IRAG1: variants seen among roughly 807,000 people sequenced by gnomAD.
IRAG1 encodes the protein IP3R-associated cGMP kinase substrate.
A neutral mutation model predicts 106.2 loss-of-function variants in IRAG1; 62 were observed. The observed-to-expected ratio is 0.58, with a 90% CI of 0.48 to 0.72. The LOEUF (loss-of-function observed/expected upper bound fraction) is 0.72, where lower values mean the gene tolerates loss of function less well. IRAG1 is among the 30% of genes least tolerant of loss of function. The pLI, the probability that IRAG1 is intolerant of heterozygous loss-of-function variation, is 0.00. For synonymous variants in IRAG1, 462 were observed against 443.9 expected, an observed-to-expected ratio of 1.04 and a Z score of -0.51; for missense variants, 1,064 against 1,140.7, an observed-to-expected ratio of 0.93 and a Z score of 0.97.
intron 12 of IRAG1, among the ~76,000 whole-genome samples, chr11:10,604,764 G>A (rs890960287): frequency 2.0e-5 from 3 of 152,200 alleles, no homozygotes; most frequent in African/African-American, 4.8e-5. Flanking sequence ...CCCAGAACCG[G>A]AGGTCCAAAT....
intron 7 of IRAG1, 23 bp downstream of exon 7, chr11:10,627,950 C>G: frequency 6.3e-7 from 1 of 1,595,632 alleles, no homozygotes; most frequent in South Asian, 1.1e-5. Context: ...AGAAACAGCA[C>G]AGCAGGTGGG....
chr11:10,687,714 A>G, intron 1 of IRAG1: 5 of 1,288,812 alleles, frequency 3.9e-6, no homozygotes, highest in South Asian at 1.2e-5. Context: ...AGTTGAGAAT[A>G]GGACCCAGGA....
chr11:10,582,068 C>G, intron 18 of IRAG1, 82 bp from the exon 19 acceptor site: 1 of 1,507,810 alleles, frequency 6.6e-7, no homozygotes, highest in Admixed American at 2.1e-5. Context: ...TGGCCCGATT[C>G]CTGATTAGGA....
intron 1 of IRAG1, among the ~76,000 whole-genome samples, chr11:10,688,957 C>A (rs934733018): frequency 6.6e-6 from 1 of 152,152 alleles, no homozygotes. Flanking sequence ...ATGACAGTAA[C>A]TACTTCAGAG....
At chr11:10,608,466 T>C (rs760707840) in intron 11 of IRAG1, among the ~76,000 whole-genome samples, 5 of 151,792 alleles carry the variant, frequency 3.3e-5, no homozygotes, top group Non-Finnish European at 7.4e-5. Context: ...AGTGGGGGTC[T>C]GGGGGGAAAC....
chr11:10,670,449 T>C (rs1398011075), intron 1 of IRAG1, among the ~76,000 whole-genome samples: 3 of 152,218 alleles, frequency 2.0e-5, no homozygotes, highest in African/African-American at 7.2e-5. Flanking sequence ...AAATAGGCAG[T>C]GCTTTCTAAT....
rs1895712 is a variant in IRAG1 at position 10,659,950 on chromosome 11, G to A, written c.68-7768C>T. Among the ~76,000 whole-genome samples, 33,336 of 152,064 alleles carry A rather than the reference G, an allele frequency of 0.22. 4,999 individuals carry two copies. Among genetic ancestry groups the A allele is most frequent in the East Asian group, 0.81 (4,181 of 5,142 alleles). Reference sequence around the variant, plus strand: ...TCATCCTGGGGTCAAGGACCACACGGCATTCTGGGTCTGTGAGATCCCATA... The same window carrying A: ...TCATCCTGGGGTCAAGGACCACACGACATTCTGGGTCTGTGAGATCCCATA... On this transcript the variant is annotated intron_variant, in intron 1 of 20. Coordinates refer to ENST00000423302, the MANE Select transcript of IRAG1 (RefSeq NM_130385.4). This position sits in a 1 kb window ranked among gnomAD's most constrained non-coding sequence, Gnocchi z 4.1.
intron 1 of IRAG1, among the ~76,000 whole-genome samples, chr11:10,673,915 G>C (rs1860447628): frequency 6.6e-6 from 1 of 152,108 alleles, no homozygotes; most frequent in Non-Finnish European, 1.5e-5. Flanking sequence ...AGAAATGAAG[G>C]AGGAGGCAAC....
chr11:10,626,460 T>C lies in IRAG1; in HGVS notation c.874A>G (p.Asn292Asp), dbSNP rs1202142922. The part of the protein sequence containing the change: ...SKEIAIEQKE[N>D]FDPLQYPETT... ...TCGGGGTACTGGAGGGGATCGAAGT[T>C]TTCCTTTTGTTCTATTGCAATCTCT... Residue 292 changes from asparagine (N) to aspartate (D), a missense_variant, in exon 9 of 21, where the codon AAC (asparagine) becomes GAC (aspartate). Physicochemically the swap from Asn to Asp is conservative, Grantham distance 23. Transcript: ENST00000423302. The C allele has an allele frequency of 6.2e-7, 1 of 1,613,492 alleles. No homozygotes were observed. The highest frequency in any genetic ancestry group is 2.2e-5 in the East Asian group (1 of 44,850).
At chr11:10,579,183 T>C (rs1335829897) in intron 20 of IRAG1, among the ~76,000 whole-genome samples, 1 of 152,222 alleles carries the variant, frequency 6.6e-6, no homozygotes, top group African/African-American at 2.4e-5. Flanking sequence ...GCTCTTCCCC[T>C]GAACAATGGG....
At chr11:10,587,027 G>A (rs1852085010) in intron 18 of IRAG1, among the ~76,000 whole-genome samples, 1 of 152,154 alleles carries the variant, frequency 6.6e-6, no homozygotes. Flanking sequence ...CTATAAACTG[G>A]AGCTGAGCAC....
intron 12 of IRAG1, 49 bp downstream of exon 12, chr11:10,606,692 GC>G: frequency 6.5e-7 from 1 of 1,549,106 alleles, no homozygotes. Flanking sequence ...TTTTGAATAA[GC>G]CCAGTCAAGC....
At chr11:10,687,522 C>A in intron 1 of IRAG1, 1 of 490,350 alleles carries the variant, frequency 2.0e-6, no homozygotes, top group Non-Finnish European at 3.0e-6. Context: ...TTGATCCAAA[C>A]ACTTTCCAAC....
chr11:10,619,954 A>G (rs1470219292), intron 10 of IRAG1, among the ~76,000 whole-genome samples: 1 of 152,178 alleles, frequency 6.6e-6, no homozygotes, highest in African/African-American at 2.4e-5. Context: ...TACTTCTAAG[A>G]TCCATCTTAT....
intron 18 of IRAG1, among the ~76,000 whole-genome samples, chr11:10,586,575 G>A (rs751394501): frequency 2.6e-5 from 4 of 151,944 alleles, no homozygotes; most frequent in South Asian, 2.1e-4. Context: ...GCACCATCAC[G>A]CCTGGCTAAT....
chr11:10,638,217 G>T (rs1564922117), intron 2 of IRAG1, among the ~76,000 whole-genome samples: 1 of 152,176 alleles, frequency 6.6e-6, no homozygotes, highest in Non-Finnish European at 1.5e-5. Flanking sequence ...TTCCATAATT[G>T]TAAGAATTCA....
chr11:10,640,479 C>T (rs981710325), intron 2 of IRAG1, among the ~76,000 whole-genome samples: 7 of 152,226 alleles, frequency 4.6e-5, no homozygotes, highest in African/African-American at 1.7e-4. Flanking sequence ...CTGACAGAAT[C>T]GTTGAGCAAG....
At chr11:10,663,240 A>C (rs1454228318) in intron 1 of IRAG1, among the ~76,000 whole-genome samples, 2 of 152,168 alleles carry the variant, frequency 1.3e-5, no homozygotes, top group East Asian at 3.9e-4. Context: ...AATAAGCAAA[A>C]AAAGAAAAGA....
chr11:10,601,174 ACTCTG>A lies in IRAG1; in HGVS notation c.1876-120_1876-116del, dbSNP rs1853957838. The A allele has an allele frequency of 7.1e-6, 10 of 1,407,974 alleles. No individual in the cohort carries two copies. The South Asian group carries it at 1.3e-4, about 19-fold the overall frequency. The allele number at this position is 1,407,974 out of a possible 1,614,324, so 87.2% of individuals were successfully genotyped here. Reference sequence around the variant, plus strand: ...AGAATCAAAAGGATACAGGGACAAGACTCTGCCCTCTGAAGAGTTTGCTGTCTGCC... The same window carrying A: ...AGAATCAAAAGGATACAGGGACAAGACCCTCTGAAGAGTTTGCTGTCTGCC... On this transcript the variant is annotated intron_variant, in intron 14 of 20. Transcript: ENST00000423302.
Sources: gnomAD v4.1 joint callset for allele counts (sites outside exome capture counted in the v4.1 genomes callset) on GRCh38, gnomAD v4.1.1 for gene constraint, Gnocchi (gnomAD v3.1) non-coding constraint, MANE v1.5 for transcripts, NCBI Gene and HGNC (gene_info 2026-07-23, HGNC 2026-07-21) for gene names.